Variants in U2SURP observed in about 807,000 individuals in gnomAD.
U2SURP encodes the protein U2 snRNP associated SURP domain containing.
In U2SURP, 9 loss-of-function variants were observed where a neutral mutation model predicts 144.9. That is an observed-to-expected ratio of 0.06 (90% CI 0.04 to 0.11). The LOEUF is 0.11. Among genes scored for constraint, U2SURP ranks in the 10% least tolerant of loss-of-function variants. The probability of loss-of-function intolerance (pLI) is 1.00; values close to 1 mark genes in which losing one functional copy is unlikely to be tolerated. For missense variants in U2SURP, 724 were observed against 1,226.7 expected (o/e 0.59, Z 6.12); for synonymous variants, 408 against 396.8 (o/e 1.03, Z -0.33).
intron 16 of U2SURP, among the ~76,000 whole-genome samples, chr3:143,030,315 T>C (rs2108292284): frequency 6.6e-6 from 1 of 152,346 alleles, no homozygotes; most frequent in African/African-American, 2.4e-5. Context: ...AAGCCAGTGC[T>C]CATTTACCAT....
At chr3:143,049,454 A>C (rs1490328464) in intron 24 of U2SURP, among the ~76,000 whole-genome samples, 1 of 152,158 alleles carries the variant, frequency 6.6e-6, no homozygotes, top group Non-Finnish European at 1.5e-5. Context: ...AAATAGGATA[A>C]AATGTTAGCA....
chr3:143,024,319 A>G (rs1242845239), intron 13 of U2SURP, among the ~76,000 whole-genome samples: 1 of 152,154 alleles, frequency 6.6e-6, no homozygotes, highest in Non-Finnish European at 1.5e-5. Context: ...GGGAAAATAG[A>G]TGTTTTAAGT....
chr3:143,030,514 A>G (rs903120748), intron 16 of U2SURP, among the ~76,000 whole-genome samples: 11 of 152,220 alleles, frequency 7.2e-5, no homozygotes, highest in East Asian at 1.9e-4. Context: ...TTGACAATGT[A>G]CCTGATCACT....
Position 143,056,436 on chromosome 3 carries a change from A to G in U2SURP, c.3076A>G (p.Lys1026Glu). Residue 1026 changes from lysine (K) to glutamate (E), a missense_variant, in exon 28 of 28, where the codon AAA becomes GAA. Around this residue, in one of 13 missense-constraint regions of U2SURP, gnomAD observed 129 missense variants for 196.1 expected, o/e 0.66. Coordinates refer to ENST00000473835, the MANE Select transcript of U2SURP (RefSeq NM_001080415.2). The part of the protein sequence containing the change: ...SPHRSHKKSK[K>E]NKH ...ACACAGGTCTCATAAAAAGTCAAAG[A>G]AAAACAAACACTGACGTAAATTTTT... 6.2e-7 allele frequency: 1 copy of G among 1,612,342 alleles called. No individual in the cohort carries two copies. The highest frequency in any genetic ancestry group is 1.7e-4 in the Middle Eastern group (1 of 6,054).
intron 2 of U2SURP, among the ~76,000 whole-genome samples, chr3:143,011,631 C>G (rs1578115438): frequency 6.6e-6 from 1 of 152,032 alleles, no homozygotes; most frequent in South Asian, 2.1e-4. Context: ...TCTTCCCCAC[C>G]AGGCACAATA....
intron 6 of U2SURP, among the ~76,000 whole-genome samples, chr3:143,018,839 C>T (rs866247407): frequency 3.3e-5 from 5 of 152,124 alleles, no homozygotes; most frequent in African/African-American, 7.2e-5. Context: ...GCAGGAGAAT[C>T]GCTTGAACTC....
In U2SURP at chr3:143,021,320, T is replaced by TA. The variant is rs1255034251; in HGVS notation, c.734-28dup. ...GGGGGGACTACTGTATTATAAAAAC[T>TA]AATAATTGTCTTCTTTTCTCCCCTT... On this transcript the variant is annotated intron_variant, in intron 8 of 27. Transcript: ENST00000473835. The TA allele has an allele frequency of 1.9e-6, 3 of 1,569,028 alleles. No homozygotes were observed. The Admixed American group carries it at 5.6e-5, about 29-fold the overall frequency.
rs538222874 is a variant in U2SURP at position 143,035,384 on chromosome 3, T to G, written c.1941+409T>G. ...TGTTAAGAAAAGCCAAGTGTAGTAC[T>G]TCACTTATAATTGAATAAGTAAATA... On this transcript the variant is annotated intron_variant, in intron 19 of 27. Coordinates refer to ENST00000473835, the MANE Select transcript of U2SURP (RefSeq NM_001080415.2). 3.9e-5 allele frequency among the ~76,000 whole-genome samples: 6 copies of G among 152,308 alleles called. No individual in the cohort carries two copies. The East Asian group carries it at 1.2e-3, about 29-fold the overall frequency.
chr3:143,047,902 C>CTCTT (rs1934625056), intron 24 of U2SURP, among the ~76,000 whole-genome samples: 1 of 147,554 alleles, frequency 6.8e-6, no homozygotes, highest in African/African-American at 2.5e-5. Context: ...ACCTCCCTCC[C>CTCTT]GGACGGGGTC....
chr3:143,048,254 G>A (rs993011454), intron 24 of U2SURP, among the ~76,000 whole-genome samples: 1 of 152,178 alleles, frequency 6.6e-6, no homozygotes, highest in African/African-American at 2.4e-5. Flanking sequence ...TTGTGCTTGA[G>A]CCTCAGTTAG....
chr3:143,025,391 T>A (rs1179921635), intron 13 of U2SURP, among the ~76,000 whole-genome samples: 3 of 152,200 alleles, frequency 2.0e-5, no homozygotes, highest in African/African-American at 7.2e-5. Context: ...TTAAACTTGC[T>A]AAACAATTTT....
chr3:143,013,000 A>G (rs919733758), intron 3 of U2SURP, among the ~76,000 whole-genome samples: 7 of 152,110 alleles, frequency 4.6e-5, no homozygotes, highest in African/African-American at 1.4e-4. Context: ...TACTTTGCCT[A>G]GATTTATTTT....
intron 24 of U2SURP, among the ~76,000 whole-genome samples, chr3:143,046,297 A>ATTTTTTTTTTTTTTTTT (rs11400849): frequency 5.6e-5 from 6 of 106,422 alleles, no homozygotes; most frequent in Admixed American, 1.0e-4. Flanking sequence ...TTTATTTTTT[A>ATTTTTTTTTTTTTTTTT]TTTTTTTTTA....
At chr3:143,028,677 C>G (rs750006660) in intron 16 of U2SURP, 31 bp downstream of exon 16, 1 of 1,545,346 alleles carries the variant, frequency 6.5e-7, no homozygotes, top group Admixed American at 2.2e-5. Flanking sequence ...ATTATATATT[C>G]AGAAAAGTAA....
rs1933609833 is a variant in U2SURP at position 143,033,350 on chromosome 3, T to A, written c.1853T>A (p.Phe618Tyr). 2.1e-6 allele frequency: 3 copies of A among 1,459,172 alleles called. No homozygotes were observed. The highest frequency in any genetic ancestry group is 2.8e-6 in the Non-Finnish European group (3 of 1,065,708). 90.4% of individuals were successfully genotyped at this position (1,459,172 alleles called of 1,614,324 possible). ...GCTAATGCTTCATATTATAGAAAAT[T>A]GTAAGTATAATGATATAACTGATAT... ...KVANASYYRK[F>Y]FETKLCQIFS... Residue 618 changes from phenylalanine to tyrosine, a missense_variant and splice_region_variant, in exon 18 of 28, where the codon TTT (phenylalanine) becomes TAT (tyrosine). Physicochemically the swap from Phe to Tyr is conservative, Grantham distance 22. This residue lies in a region of U2SURP where 116 missense variants were observed against 167.9 expected (regional missense o/e 0.69). Transcript: ENST00000473835.
chr3:143,001,855 A>C (rs890086633), intron 1 of U2SURP, among the ~76,000 whole-genome samples, 182 bp downstream of exon 1: 1 of 152,182 alleles, frequency 6.6e-6, no homozygotes, highest in African/African-American at 2.4e-5. Flanking sequence ...CCATAGTCCC[A>C]GCCGGGATTC....
At chr3:143,031,386 G>A (rs1367548180) in intron 16 of U2SURP, among the ~76,000 whole-genome samples, 1 of 72,338 alleles carries the variant, frequency 1.4e-5, no homozygotes, top group Non-Finnish European at 2.8e-5. Context: ...TATTGTTTAA[G>A]AAATTGCTGC....
intron 6 of U2SURP, among the ~76,000 whole-genome samples, chr3:143,019,429 C>T (rs1287582961): frequency 6.6e-6 from 1 of 152,092 alleles, no homozygotes; most frequent in Non-Finnish European, 1.5e-5. Context: ...GTCCATGAAC[C>T]ATTTTGAGTT....
chr3:143,033,387 A>T, intron 18 of U2SURP, 37 bp downstream of exon 18: 1 of 1,126,170 alleles, frequency 8.9e-7, no homozygotes, highest in Non-Finnish European at 1.3e-6. Flanking sequence ...CCTGAAATAA[A>T]GTATTTAAGG....
Sources: gnomAD v4.1 joint callset for allele counts (sites outside exome capture counted in the v4.1 genomes callset) on GRCh38, gnomAD v4.1.1 for gene constraint, gnomAD v4.1.1 regional missense constraint, MANE v1.5 for transcripts, NCBI Gene and HGNC (gene_info 2026-07-23, HGNC 2026-07-21) for gene names.